The following PON3 variants were observed in gnomAD, a reference collection of about 807,000 sequenced individuals.
PON3 encodes serum paraoxonase/lactonase 3.
Under a neutral mutation model 36.3 loss-of-function variants are expected in PON3, and 37 were observed. That is an observed-to-expected ratio of 1.02 (90% confidence interval 0.78 to 1.34). The LOEUF (loss-of-function observed/expected upper bound fraction) is 1.34, where lower values mean the gene tolerates loss of function less well. Ranked by LOEUF, PON3 falls within the 40% of genes most tolerant of loss-of-function variation. The probability of loss-of-function intolerance (pLI) is 0.00; values close to 1 mark genes in which losing one functional copy is unlikely to be tolerated. For missense variants in PON3, 415 were observed against 426.5 expected, an observed-to-expected ratio of 0.97 and a Z score of 0.24; for synonymous variants, 155 against 154.8, an observed-to-expected ratio of 1.00 and a Z score of -0.01.
intron 3 of PON3, among the ~76,000 whole-genome samples, chr7:95,383,297 C>T (rs1451074618): frequency 5.3e-5 from 8 of 152,176 alleles, no homozygotes; most frequent in Non-Finnish European, 8.8e-5. Context: ...CAGCACAAGA[C>T]AGGGATGCCC....
chr7:95,391,302 A>C (rs1277755032), intron 2 of PON3, among the ~76,000 whole-genome samples: 1 of 152,218 alleles, frequency 6.6e-6, no homozygotes, highest in African/African-American at 2.4e-5. Flanking sequence ...GTGGAAGAGA[A>C]GATACGTAGG....
intron 3 of PON3, among the ~76,000 whole-genome samples, chr7:95,374,679 C>T (rs1056825908): frequency 2.0e-5 from 3 of 152,108 alleles, no homozygotes; most frequent in African/African-American, 7.2e-5. Flanking sequence ...TAGAAATACC[C>T]TTATAAAGAT....
chr7:95,361,312 T>C (rs7798025), intron 8 of PON3, among the ~76,000 whole-genome samples: 4,150 of 152,250 alleles, frequency 0.027, 106 homozygotes, highest in African/African-American at 0.066. Context: ...ATACTGGAAG[T>C]AGAAATAACT....
chr7:95,391,842 C>T (rs1192512103), intron 2 of PON3, among the ~76,000 whole-genome samples: 1 of 152,172 alleles, frequency 6.6e-6, no homozygotes, highest in African/African-American at 2.4e-5. Flanking sequence ...CTCAGATTTT[C>T]TGTTTTCCAC....
At chr7:95,378,622 T>A (rs1370525083) in intron 3 of PON3, among the ~76,000 whole-genome samples, 1 of 152,148 alleles carries the variant, frequency 6.6e-6, no homozygotes, top group East Asian at 1.9e-4. Flanking sequence ...AGAAAAGAAT[T>A]TTCAACCCAG....
chr7:95,365,534 GA>G (rs1334195572), intron 5 of PON3: 2 of 152,232 alleles, frequency 1.3e-5, no homozygotes, highest in Non-Finnish European at 2.9e-5. Context: ...CTGATTACTG[GA>G]GGATAAGTCC....
intron 8 of PON3, among the ~76,000 whole-genome samples, chr7:95,362,009 G>C (rs1219491168): frequency 6.6e-6 from 1 of 152,146 alleles, no homozygotes; most frequent in Non-Finnish European, 1.5e-5. Flanking sequence ...ATGTTGGACA[G>C]TGTGAAAGAA....
rs1479827330 is a variant in PON3, at chr7:95,372,323, C to G, written c.217G>C (p.Gly73Arg). 12 of 1,613,842 alleles carry G rather than the reference C, an allele frequency of 7.4e-6. No homozygotes were observed. The highest frequency in any genetic ancestry group is 1.0e-5 in the Non-Finnish European group (12 of 1,179,852). ...TCATCTGGCGCAAAGTTTGGCATGC[C>G]TGGATATTTTAATCCCTTTTAAAAA... ...AFISSGLKYP[G>R]MPNFAPDEPG... The change falls in exon 4 of 9, where the codon GGC becomes CGC. Residue 73 changes from glycine (G) to arginine (R), a missense_variant. By Grantham distance (125) the Gly-to-Arg change is moderately radical. Transcript: ENST00000265627.
intron 7 of PON3, 132 bp from the exon 8 acceptor site, chr7:95,362,622 T>C: frequency 7.0e-7 from 1 of 1,436,594 alleles, no homozygotes; most frequent in South Asian, 1.2e-5. Flanking sequence ...TGCTTCTGTA[T>C]TTTAGAAACG....
At position 95,371,992 on chromosome 7, in the gene PON3, T is replaced by C. The variant is rs374143194; in HGVS notation, c.367+181A>G. 2.8e-4 allele frequency among the ~76,000 whole-genome samples: 43 copies of C among 152,266 alleles called. 1 individual carries two copies. The highest frequency in any genetic ancestry group is 1.0e-3 in the African/African-American group (42 of 41,558). ...GGAGGCCACATAGGGCCAAAAATACTAGTGTTCCTTCTTTAATGCAATGTT... is the reference window on the plus strand; with the variant it reads ...GGAGGCCACATAGGGCCAAAAATACCAGTGTTCCTTCTTTAATGCAATGTT... On this transcript the variant is annotated intron_variant, in intron 4 of 8. Transcript: ENST00000265627.
intron 4 of PON3, among the ~76,000 whole-genome samples, chr7:95,368,632 C>T (rs969484592): frequency 2.0e-5 from 3 of 152,134 alleles, no homozygotes; most frequent in African/African-American, 7.2e-5. Flanking sequence ...TTCTCCATCT[C>T]CTCATTCCAT....
At chr7:95,396,172 G>T in intron 1 of PON3, 105 bp downstream of exon 1, 1 of 1,243,704 alleles carries the variant, frequency 8.0e-7, no homozygotes, top group Non-Finnish European at 1.2e-6. Context: ...AGGTTCCAAA[G>T]CTGCTCTTTC....
In PON3 at chr7:95,369,203, T is replaced by C. The variant is rs527775540; in HGVS notation, c.368-1715A>G. On this transcript the variant is annotated intron_variant, in intron 4 of 8. Coordinates refer to ENST00000265627, the MANE Select transcript of PON3 (RefSeq NM_000940.3). ...TTCGTTTATTTATTCATTTGATATG[T>C]GTTCATAGAGTACCTACTGTGCATC... 4.6e-5 allele frequency among the ~76,000 whole-genome samples: 7 copies of C among 152,308 alleles called. No homozygotes were observed. In the South Asian group the frequency reaches 1.2e-3, roughly 27 times the overall value.
chr7:95,387,926 C>T (rs1465387066), intron 3 of PON3, among the ~76,000 whole-genome samples: 2 of 152,132 alleles, frequency 1.3e-5, no homozygotes, highest in East Asian at 3.9e-4. Flanking sequence ...AACTGGCTAG[C>T]CATACGTAGA....
intron 3 of PON3, among the ~76,000 whole-genome samples, chr7:95,381,774 G>A (rs1337837873): frequency 6.6e-6 from 1 of 152,110 alleles, no homozygotes; most frequent in East Asian, 1.9e-4. Context: ...ATACCCCACT[G>A]TCAATATTAG....
chr7:95,380,232 TA>T (rs916236758), intron 3 of PON3, among the ~76,000 whole-genome samples: 16 of 152,184 alleles, frequency 1.1e-4, no homozygotes, highest in African/African-American at 3.6e-4. Flanking sequence ...CAAAGGTAGA[TA>T]AAACCACAAA....
chr7:95,372,727 G>A (rs1485930877), intron 3 of PON3, among the ~76,000 whole-genome samples: 2 of 152,084 alleles, frequency 1.3e-5, no homozygotes, highest in Non-Finnish European at 2.9e-5. Context: ...TCCGGTCCTG[G>A]TATTCTATAA....
chr7:95,380,090 C>A (rs1809012145), intron 3 of PON3, among the ~76,000 whole-genome samples: 1 of 152,184 alleles, frequency 6.6e-6, no homozygotes, highest in Non-Finnish European at 1.5e-5. Context: ...CCCAGGCAAA[C>A]AGGGTCGGAG....
intron 3 of PON3, among the ~76,000 whole-genome samples, chr7:95,388,629 C>A (rs1322666833): frequency 6.6e-6 from 1 of 152,168 alleles, no homozygotes; most frequent in Admixed American, 6.5e-5. Context: ...ACTATAAAGA[C>A]ACATGCACAT....
Sources: allele counts gnomAD v4.1 joint callset (sites outside exome capture counted in the v4.1 genomes callset), GRCh38; gene constraint gnomAD v4.1.1; transcripts MANE v1.5; gene names NCBI Gene and HGNC (gene_info 2026-07-23, HGNC 2026-07-21).